ARHGEF4: variants seen among roughly 807,000 people sequenced by gnomAD.
ARHGEF4 encodes APC-stimulated guanine nucleotide exchange factor 1.
ARHGEF4 carries 119 observed loss-of-function variants against 162.0 expected under a neutral mutation model. That is an observed-to-expected ratio of 0.73 (90% confidence interval 0.63 to 0.86). The LOEUF is 0.86. ARHGEF4 is among the 40% of genes least tolerant of loss of function. ARHGEF4 has a pLI of 0.00. For missense variants in ARHGEF4, 2,488 were observed against 2,456.0 expected (o/e 1.01, Z -0.28); for synonymous variants, 1,014 against 979.9 (o/e 1.03, Z -0.65).
chr2:130,967,962 C>T (rs879350330), intron 4 of ARHGEF4, among the ~76,000 whole-genome samples: 1 of 152,190 alleles, frequency 6.6e-6, no homozygotes, highest in Non-Finnish European at 1.5e-5. Context: ...GAAATATTGC[C>T]AACCAGATAA....
chr2:130,999,391 T>A (rs62178939), intron 4 of ARHGEF4, among the ~76,000 whole-genome samples: 2 of 151,932 alleles, frequency 1.3e-5, no homozygotes, highest in Non-Finnish European at 2.9e-5. Flanking sequence ...CTCCTGACCT[T>A]GTGATCCGCC....
At chr2:131,038,678 G>C (rs1488261227) in intron 5 of ARHGEF4, among the ~76,000 whole-genome samples, 175 bp from the exon 6 acceptor site, 2 of 152,214 alleles carry the variant, frequency 1.3e-5, no homozygotes, top group Non-Finnish European at 2.9e-5. Flanking sequence ...GACATGCCCA[G>C]AACATAGCCC....
intron 1 of ARHGEF4, among the ~76,000 whole-genome samples, chr2:130,886,799 G>A (rs768370476): frequency 4.0e-5 from 6 of 151,722 alleles, no homozygotes; most frequent in Admixed American, 3.3e-4. Context: ...GGTTGTTGAA[G>A]TAGTCACAAT....
chr2:130,922,649 C>T (rs559719712), intron 2 of ARHGEF4, among the ~76,000 whole-genome samples: 3 of 152,148 alleles, frequency 2.0e-5, no homozygotes, highest in Non-Finnish European at 2.9e-5. Flanking sequence ...GTCTAGAGTC[C>T]GCATAGCAAG....
chr2:131,027,993 G>A lies in ARHGEF4; in HGVS notation c.4034G>A (p.Gly1345Glu), dbSNP rs1041573239. The change falls in exon 5 of 14, where the codon GGG becomes GAG. Residue 1345 changes from glycine to glutamate, a missense_variant. Transcript: ENST00000409359. Reference protein sequence around the residue: ...LDTAVCADEVGSEEDLYDDLH... With the variant: ...LDTAVCADEVESEEDLYDDLH... ...ACAGCTGTCTGCGCTGACGAAGTGG[G>A]GAGCGAGGAGGACCTGTATGATGAC... 1.9e-6 allele frequency: 3 copies of A among 1,613,966 alleles called. No homozygotes were observed. The African/African-American group carries it at 4.0e-5, about 22-fold the overall frequency.
intron 3 of ARHGEF4, among the ~76,000 whole-genome samples, chr2:130,944,474 G>C (rs1683491866): frequency 6.6e-6 from 1 of 151,984 alleles, no homozygotes. Context: ...TTTTCTCTCT[G>C]TTCTTCAATT....
chr2:131,040,544 G>C (rs1012307051), intron 8 of ARHGEF4, 104 bp downstream of exon 8: 3 of 1,306,052 alleles, frequency 2.3e-6, no homozygotes, highest in Non-Finnish European at 2.1e-6. Flanking sequence ...CTTCCACAAC[G>C]CCTGGGCCCC....
At position 130,839,419 on chromosome 2, in the gene ARHGEF4, T is replaced by C. The variant is rs115824123; in HGVS notation, c.39+2427T>C. Among the ~76,000 whole-genome samples the C allele has an allele frequency of 3.0e-3, 462 of 152,330 alleles. 2 individuals are homozygous for C. Among genetic ancestry groups the C allele is most frequent in the African/African-American group, 0.011 (438 of 41,576 alleles). On this transcript the variant is annotated intron_variant, in intron 1 of 13. Transcript: ENST00000409359. Reference sequence around the variant, plus strand: ...CCCAGTCAGACTCTGTTAGCCAAGATGCAGCTAGTCTCCACCAAGCCCAGG... The same window carrying C: ...CCCAGTCAGACTCTGTTAGCCAAGACGCAGCTAGTCTCCACCAAGCCCAGG...
At chr2:130,985,898 A>G (rs1200968731) in intron 4 of ARHGEF4, among the ~76,000 whole-genome samples, 2 of 150,586 alleles carry the variant, frequency 1.3e-5, no homozygotes, top group Non-Finnish European at 3.0e-5. Context: ...TGTTGTGTGC[A>G]TTGTGAGTGA....
intron 3 of ARHGEF4, among the ~76,000 whole-genome samples, chr2:130,933,032 A>C (rs976628077): frequency 6.6e-6 from 1 of 152,114 alleles, no homozygotes; most frequent in Admixed American, 6.5e-5. Context: ...CCTGGACAAC[A>C]TGGTGAAACC....
chr2:130,938,867 A>G (rs1462363324), intron 3 of ARHGEF4, among the ~76,000 whole-genome samples: 2 of 152,104 alleles, frequency 1.3e-5, no homozygotes, highest in Admixed American at 6.6e-5. Flanking sequence ...TCATCATTGT[A>G]CTTTTCACAT....
intron 1 of ARHGEF4, among the ~76,000 whole-genome samples, chr2:130,878,950 A>G (rs1457246381): frequency 6.6e-6 from 1 of 152,242 alleles, no homozygotes; most frequent in African/African-American, 2.4e-5. Flanking sequence ...TAGTTTTTGG[A>G]TTGGTCATTA....
chr2:130,945,586 G>A (rs1683562792), intron 3 of ARHGEF4, among the ~76,000 whole-genome samples: 1 of 152,034 alleles, frequency 6.6e-6, no homozygotes, highest in Non-Finnish European at 1.5e-5. Context: ...AGTCCTTTAT[G>A]TCCATGCCCA....
chr2:130,922,724 G>C (rs956423807), intron 2 of ARHGEF4, among the ~76,000 whole-genome samples: 1 of 150,624 alleles, frequency 6.6e-6, no homozygotes, highest in African/African-American at 2.4e-5. Flanking sequence ...TGCCTTTTGG[G>C]TTTGGGCCTG....
Position 131,047,247 on chromosome 2 carries a change from A to C in ARHGEF4, c.*1058A>C, listed in dbSNP as rs903936327. The C allele has an allele frequency of 6.6e-6, 1 of 151,138 alleles. No homozygotes were observed. The highest frequency in any genetic ancestry group is 3.2e-3 in the Middle Eastern group (1 of 316). The allele number at this position is 151,138 out of a possible 1,614,324, so 9.4% of individuals were successfully genotyped here. A position where few individuals can be genotyped will look rare whatever the true frequency, so the allele number is the denominator to read the frequency against. ...TTTAATTTCATAAATAAATTTATGA[A>C]AAGTAACCTGGCTGCTAGCCCGTTT... On this transcript the variant is annotated 3_prime_UTR_variant, in exon 14 of 14. Coordinates refer to ENST00000409359, the MANE Select transcript of ARHGEF4 (RefSeq NM_001367493.1).
chr2:130,841,290 T>C (rs1207477985), intron 1 of ARHGEF4, among the ~76,000 whole-genome samples: 1 of 151,854 alleles, frequency 6.6e-6, no homozygotes, highest in African/African-American at 2.4e-5. Flanking sequence ...GGTCTCGAAC[T>C]CCTGACCTCG....
intron 4 of ARHGEF4, among the ~76,000 whole-genome samples, chr2:130,990,158 T>C (rs1186581145): frequency 6.6e-6 from 1 of 152,248 alleles, no homozygotes; most frequent in African/African-American, 2.4e-5. Context: ...ATTTTTACTT[T>C]TTTAATGAAA....
intron 1 of ARHGEF4, among the ~76,000 whole-genome samples, chr2:130,891,409 G>A (rs1679856271): frequency 6.6e-6 from 1 of 152,186 alleles, no homozygotes; most frequent in Non-Finnish European, 1.5e-5. Flanking sequence ...GCAAACTTCG[G>A]TGAAGGGCCA....
chr2:130,960,816 G>A (rs1223862685), intron 4 of ARHGEF4, among the ~76,000 whole-genome samples: 1 of 152,094 alleles, frequency 6.6e-6, no homozygotes, highest in Non-Finnish European at 1.5e-5. Context: ...CTCACCCCCA[G>A]GGTCTTAGGA....
Sources: allele counts gnomAD v4.1 joint callset (sites outside exome capture counted in the v4.1 genomes callset), GRCh38; gene constraint gnomAD v4.1.1; transcripts MANE v1.5; gene names NCBI Gene and HGNC (gene_info 2026-07-23, HGNC 2026-07-21).